DPH6: variants seen among roughly 807,000 people sequenced by gnomAD.
DPH6 encodes the protein diphthine--ammonia ligase.
In DPH6, 33 loss-of-function variants were observed where a neutral mutation model predicts 38.2. That is an observed-to-expected ratio of 0.86 (90% CI 0.65 to 1.15). DPH6 has a LOEUF of 1.15. DPH6 is among the 50% of genes most tolerant of loss of function. The probability of loss-of-function intolerance (pLI) is 0.00; values close to 1 mark genes in which losing one functional copy is unlikely to be tolerated. For synonymous variants in DPH6, 108 were observed against 103.0 expected, an observed-to-expected ratio of 1.05 and a Z score of -0.30; for missense variants, 325 against 320.0, an observed-to-expected ratio of 1.02 and a Z score of -0.12.
At chr15:35,271,819 A>G (rs2051824305) in intron 3 of DPH6, among the ~76,000 whole-genome samples, 2 of 152,212 alleles carry the variant, frequency 1.3e-5, no homozygotes, top group African/African-American at 4.8e-5. Flanking sequence ...AGAAACAGAG[A>G]TGACAGAAGG....
intron 3 of DPH6, among the ~76,000 whole-genome samples, chr15:35,507,196 A>G (rs926148842): frequency 5.9e-5 from 9 of 152,116 alleles, no homozygotes; most frequent in Non-Finnish European, 8.8e-5. Context: ...AACGATGTCA[A>G]ATATAATAAA....
intron 4 of DPH6, 120 bp from the exon 5 acceptor site, chr15:35,450,923 C>T (rs2053925027): frequency 2.7e-6 from 2 of 736,666 alleles, no homozygotes; most frequent in South Asian, 4.1e-5. Context: ...ATTGAAAATG[C>T]TTTTAAAAAC....
At chr15:35,399,662 C>T (rs2053191835) in intron 6 of DPH6, among the ~76,000 whole-genome samples, 1 of 152,176 alleles carries the variant, frequency 6.6e-6, no homozygotes, top group Non-Finnish European at 1.5e-5. Flanking sequence ...AAAGTCATCA[C>T]ATACATTTAG....
intron 3 of DPH6, among the ~76,000 whole-genome samples, chr15:35,494,528 T>C (rs2054523615): frequency 6.6e-6 from 1 of 152,092 alleles, no homozygotes; most frequent in African/African-American, 2.4e-5. Context: ...CTTTAGAATA[T>C]TAGGTGGCTG....
At chr15:35,436,615 C>T (rs575998003) in intron 5 of DPH6, among the ~76,000 whole-genome samples, 7 of 152,046 alleles carry the variant, frequency 4.6e-5, no homozygotes, top group South Asian at 2.1e-4. Context: ...TGGAGAAATC[C>T]ATTTGCATAA....
At chr15:35,177,603 C>CATA in the DPH6 span, among the ~76,000 whole-genome samples, 1 of 105,956 alleles carries the variant, frequency 9.4e-6, no homozygotes, top group African/African-American at 4.9e-5. Flanking sequence ...AAAAAAAAAT[C>CATA]ATCATCATCA....
chr15:35,357,640 T>A (rs1163789008), intron 3 of DPH6, among the ~76,000 whole-genome samples: 2 of 152,228 alleles, frequency 1.3e-5, no homozygotes. Flanking sequence ...TCATATATGA[T>A]GCTTAGTTTC....
At chr15:35,404,357 G>A (rs2053262293) in intron 6 of DPH6, among the ~76,000 whole-genome samples, 1 of 151,994 alleles carries the variant, frequency 6.6e-6, no homozygotes. Flanking sequence ...AGCATATGAG[G>A]GTTCCCTTTT....
intron 3 of DPH6, among the ~76,000 whole-genome samples, chr15:35,483,278 A>G (rs1013593725): frequency 1.3e-5 from 2 of 152,018 alleles, no homozygotes; most frequent in African/African-American, 4.8e-5. Flanking sequence ...AGCCTAACCA[A>G]CATGGTGAAA....
At chr15:35,214,068 C>T (rs574747392), downstream of DPH6, among the ~76,000 whole-genome samples, 124 of 150,634 alleles carry the variant, frequency 8.2e-4, 1 homozygote, top group African/African-American at 2.9e-3. Context: ...GCTGAGATTG[C>T]GCCACTGCAC....
intron 3 of DPH6, among the ~76,000 whole-genome samples, chr15:35,235,447 T>C (rs1899922): frequency 0.3 from 45,136 of 152,042 alleles, 7,004 homozygotes; most frequent in African/African-American, 0.37. Flanking sequence ...ACAGGTCGAT[T>C]ACTTGGCAAA....
the DPH6 span, among the ~76,000 whole-genome samples, chr15:35,146,761 T>C: frequency 6.6e-6 from 1 of 152,172 alleles, no homozygotes; most frequent in South Asian, 2.1e-4. Flanking sequence ...ATTATTCATA[T>C]ATGGAACCTC....
intron 8 of DPH6, 42 bp from the exon 9 acceptor site, chr15:35,372,245 A>T: frequency 1.4e-6 from 2 of 1,413,714 alleles, no homozygotes; most frequent in Non-Finnish European, 1.9e-6. Flanking sequence ...AATGCACCAT[A>T]TTTATTCAGT....
At chr15:35,372,639 T>C (rs1312378690) in intron 8 of DPH6, among the ~76,000 whole-genome samples, 1 of 151,932 alleles carries the variant, frequency 6.6e-6, no homozygotes, top group Non-Finnish European at 1.5e-5. Context: ...TTTTTAATCC[T>C]GCCCATTGTC....
intron 3 of DPH6, among the ~76,000 whole-genome samples, chr15:35,231,113 C>A (rs1048265198): frequency 1.3e-5 from 2 of 152,294 alleles, no homozygotes; most frequent in African/African-American, 4.8e-5. Context: ...GCCTAGACTG[C>A]CTTTCAAGTT....
intron 3 of DPH6, among the ~76,000 whole-genome samples, chr15:35,501,433 T>C (rs1307790886): frequency 6.6e-6 from 1 of 152,160 alleles, no homozygotes; most frequent in Non-Finnish European, 1.5e-5. Context: ...TTTCTAGGAA[T>C]CTTCATTATG....
rs1446019317 is a variant in DPH6 at position 35,374,051 on chromosome 15, T to C, written c.663-443A>G. 5.3e-5 allele frequency among the ~76,000 whole-genome samples: 8 copies of C among 152,142 alleles called. No individual in the cohort carries two copies. The East Asian group carries it at 1.6e-3, about 30-fold the overall frequency. ...TCCTTCACAAAAGCAGTACTGGTGA[T>C]GATTTTAAGCTCTAGATGAACTCTT... On this transcript the variant is annotated intron_variant, in intron 7 of 8. Transcript: ENST00000256538.
At chr15:35,391,864 G>A (rs891918476) in intron 6 of DPH6, among the ~76,000 whole-genome samples, 10 of 152,132 alleles carry the variant, frequency 6.6e-5, no homozygotes, top group Non-Finnish European at 7.3e-5. Context: ...CCCGCTGTCC[G>A]GCACTCCTCA....
At chr15:35,165,917 T>C in the DPH6 span, among the ~76,000 whole-genome samples, 13 of 151,966 alleles carry the variant, frequency 8.6e-5, no homozygotes, top group Non-Finnish European at 4.4e-5. Context: ...GTCTATGAAG[T>C]TTTAACTGTT....
Sources: allele counts gnomAD v4.1 joint callset (sites outside exome capture counted in the v4.1 genomes callset), GRCh38; gene constraint gnomAD v4.1.1; transcripts MANE v1.5; gene names NCBI Gene and HGNC (gene_info 2026-07-23, HGNC 2026-07-21).